CACNA2D2: variants seen among roughly 807,000 people sequenced by gnomAD.
CACNA2D2 encodes calcium voltage-gated channel auxiliary subunit alpha2delta 2, also known as voltage-dependent calcium channel subunit alpha-2/delta-2.
CACNA2D2 carries 48 observed loss-of-function variants against 166.4 expected under a neutral mutation model. The observed-to-expected ratio is 0.29, with a 90% CI of 0.23 to 0.37. The LOEUF (loss-of-function observed/expected upper bound fraction) is 0.37. Ranked by LOEUF, CACNA2D2 falls within the 10% of genes least tolerant of loss-of-function variation. CACNA2D2 has a pLI of 1.00. For missense variants in CACNA2D2, 1,122 were observed against 1,433.0 expected, an observed-to-expected ratio of 0.78 and a Z score of 3.50; for synonymous variants, 561 against 573.7, an observed-to-expected ratio of 0.98 and a Z score of 0.32.
chr3:50,496,623 G>A (rs889038080), intron 1 of CACNA2D2, among the ~76,000 whole-genome samples: 2 of 152,266 alleles, frequency 1.3e-5, no homozygotes, highest in Admixed American at 6.5e-5. Context: ...AGATCCAGTC[G>A]GGATCCACAT....
Position 50,379,323 on chromosome 3 carries a change from C to A in CACNA2D2, c.1152+109G>T. 6.8e-7 allele frequency: 1 copy of A among 1,477,652 alleles called. No individual in the cohort carries two copies. The highest frequency in any genetic ancestry group is 1.2e-5 in the South Asian group (1 of 84,442). The allele number at this position is 1,477,652 out of a possible 1,614,324, so 91.5% of individuals were successfully genotyped here. On this transcript the variant is annotated intron_variant, in intron 11 of 37. Coordinates refer to ENST00000424201, the MANE Select transcript of CACNA2D2 (RefSeq NM_006030.4). The surrounding 1 kb of genome is among the most constrained non-coding windows in gnomAD (Gnocchi z 6.5). Reference sequence around the variant, plus strand: ...CCCACAGCAGATGGAGCTATCTGTCCAAGCTGCCTGTTTGGTGCTAACGAG... The same window carrying A: ...CCCACAGCAGATGGAGCTATCTGTCAAAGCTGCCTGTTTGGTGCTAACGAG...
chr3:50,481,870 C>T (rs1698069574), intron 1 of CACNA2D2, among the ~76,000 whole-genome samples: 3 of 152,146 alleles, frequency 2.0e-5, no homozygotes, highest in African/African-American at 7.2e-5. Context: ...GTATCGTACA[C>T]CTGTAGTCCC....
At chr3:50,370,549 C>T (rs1013645445) in intron 22 of CACNA2D2, among the ~76,000 whole-genome samples, 169 bp from the exon 23 acceptor site, 1 of 151,660 alleles carries the variant, frequency 6.6e-6, no homozygotes, top group Admixed American at 6.6e-5. Flanking sequence ...AGAGAAGGGA[C>T]GGGCAGGGAG....
chr3:50,384,450 A>C, intron 5 of CACNA2D2, 113 bp from the exon 6 acceptor site: 104 of 1,191,120 alleles, frequency 8.7e-5, no homozygotes, highest in Non-Finnish European at 1.1e-4. Flanking sequence ...GGGGCATCTC[A>C]AAAAGAGAGA....
intron 1 of CACNA2D2, among the ~76,000 whole-genome samples, chr3:50,500,747 A>AC (rs1241541500): frequency 6.4e-5 from 4 of 62,778 alleles, no homozygotes; most frequent in Non-Finnish European, 1.2e-4. Context: ...AGACAGCCCA[A>AC]CCCCCCCACC....
In CACNA2D2 at chr3:50,398,620, TTTC is replaced by T. The variant is rs754114273; in HGVS notation, c.406-4455_406-4453del. On this transcript the variant is annotated intron_variant, in intron 3 of 37. Coordinates refer to ENST00000424201, the MANE Select transcript of CACNA2D2 (RefSeq NM_006030.4). The stretch of plus-strand genomic sequence containing the variant: ...TGTGGTTTAACCTCTCAGAGTCTAT[TTTC>T]TTCAGCACATCCTGGGGGGTAAGGG... Among the ~76,000 whole-genome samples, 4 of 152,158 alleles carry T rather than the reference TTTC, an allele frequency of 2.6e-5. No individual in the cohort carries two copies. The East Asian group carries it at 5.8e-4, about 22-fold the overall frequency.
In CACNA2D2 at chr3:50,376,032, G is replaced by A. The variant is rs776699305; in HGVS notation, c.1704C>T (p.Thr568=). 15 of 1,613,358 alleles carry A rather than the reference G, an allele frequency of 9.3e-6. No homozygotes were observed. Among genetic ancestry groups the A allele is most frequent in the Non-Finnish European group, 1.3e-5 (15 of 1,179,982 alleles). The change falls in exon 19 of 38, where the codon ACC becomes ACT. Residue 568 remains threonine (T), a splice_region_variant and synonymous_variant. Transcript: ENST00000424201. The surrounding 1 kb of genome is among the most constrained non-coding windows in gnomAD (Gnocchi z 4.3). ...GAGTCACAGGCTCCCGGAAGTTGGTGGTCTGTTGGAGGCAGGGTGGGAAGT... is the reference window on the plus strand; with the variant it reads ...GAGTCACAGGCTCCCGGAAGTTGGTAGTCTGTTGGAGGCAGGGTGGGAAGT... ...VLLHPNLKPQ[T]TNFREPVTLD... is the part of the protein sequence containing the mutation.
intron 23 of CACNA2D2, among the ~76,000 whole-genome samples, chr3:50,368,659 C>T (rs72934814): frequency 0.031 from 4,744 of 152,294 alleles, 250 homozygotes; most frequent in African/African-American, 0.11. Flanking sequence ...CCTCACCCTG[C>T]CTCTTCCTGG....
At chr3:50,452,192 C>T (rs1447503142) in intron 2 of CACNA2D2, among the ~76,000 whole-genome samples, 1 of 152,202 alleles carries the variant, frequency 6.6e-6, no homozygotes, top group Non-Finnish European at 1.5e-5. Flanking sequence ...CTCTGATGGG[C>T]CAGCCCACCT....
At chr3:50,497,205 A>AC (rs1373571250) in intron 1 of CACNA2D2, among the ~76,000 whole-genome samples, 1 of 152,014 alleles carries the variant, frequency 6.6e-6, no homozygotes, top group Non-Finnish European at 1.5e-5. Flanking sequence ...GAGCAGGAAG[A>AC]CCCCAGATCT....
rs1553724510 is a variant in CACNA2D2, at chr3:50,363,466, C to CTGTGTGTGTGCACAGAG, written c.*1199_*1200insCTCTGTGCACACACACA. On this transcript the variant is annotated 3_prime_UTR_variant, in exon 38 of 38. Coordinates refer to ENST00000424201, the MANE Select transcript of CACNA2D2 (RefSeq NM_006030.4). Reference sequence around the variant, plus strand: ...GTGAAGAGCTGTGCCCAGTCCCCACCTGTGTGTGTGTGTGTGTGTGTGTGT... The same window carrying CTGTGTGTGTGCACAGAG: ...GTGAAGAGCTGTGCCCAGTCCCCACCTGTGTGTGTGCACAGAGTGTGTGTGTGTGTGTGTGTGTGTGT... 6.5e-6 allele frequency: 2 copies of CTGTGTGTGTGCACAGAG among 310,026 alleles called. No homozygotes were observed. The highest frequency in any genetic ancestry group is 1.3e-4 in the Admixed American group (2 of 14,846). 19.2% of individuals were successfully genotyped at this position (310,026 alleles called of 1,614,324 possible). A position where few individuals can be genotyped will look rare whatever the true frequency, so the allele number is the denominator to read the frequency against.
rs369364593 is a variant in CACNA2D2 at position 50,366,300 on chromosome 3, C to T, written c.2676G>A (p.Leu892=). 28 of 1,613,984 alleles carry T rather than the reference C, an allele frequency of 1.7e-5. No individual in the cohort carries two copies. The highest frequency in any genetic ancestry group is 2.2e-5 in the Non-Finnish European group (26 of 1,180,042). The change falls in exon 31 of 38, where the codon CTG becomes CTA. Residue 892 remains leucine, a synonymous_variant. Coordinates refer to ENST00000424201, the MANE Select transcript of CACNA2D2 (RefSeq NM_006030.4). This position sits in a 1 kb window ranked among gnomAD's most constrained non-coding sequence, Gnocchi z 5.9. ...LCVLIDDGGF[L]VLSNQNHQWD... is the part of the protein sequence containing the mutation. Reference sequence around the variant, plus strand: ...ACTGATGGTTCTGGTTTGACAGCACCAGGAATCCTCCATCATCAATGAGGA... The same window carrying T: ...ACTGATGGTTCTGGTTTGACAGCACTAGGAATCCTCCATCATCAATGAGGA...
intron 1 of CACNA2D2, among the ~76,000 whole-genome samples, chr3:50,491,906 G>C (rs916572070): frequency 6.6e-6 from 1 of 152,202 alleles, no homozygotes; most frequent in Non-Finnish European, 1.5e-5. Context: ...ACTGGCTCCT[G>C]GACACTGTCC....
chr3:50,402,139 T>C (rs1706480399), intron 3 of CACNA2D2, among the ~76,000 whole-genome samples: 1 of 152,228 alleles, frequency 6.6e-6, no homozygotes, highest in Non-Finnish European at 1.5e-5. Flanking sequence ...CTTTTTTGCT[T>C]TAAACTGGAA....
At chr3:50,413,868 C>T (rs987974399) in intron 3 of CACNA2D2, among the ~76,000 whole-genome samples, 3 of 106,648 alleles carry the variant, frequency 2.8e-5, no homozygotes, top group African/African-American at 1.1e-4. Flanking sequence ...AAATAAAAGG[C>T]TCCTCAGCTG....
At chr3:50,456,333 G>C (rs1403847266) in intron 2 of CACNA2D2, among the ~76,000 whole-genome samples, 1 of 152,182 alleles carries the variant, frequency 6.6e-6, no homozygotes, top group Non-Finnish European at 1.5e-5. Flanking sequence ...AGTGGGGGAG[G>C]GGAGAGGCTC....
At chr3:50,445,862 G>A (rs1307940530) in intron 2 of CACNA2D2, among the ~76,000 whole-genome samples, 1 of 152,118 alleles carries the variant, frequency 6.6e-6, no homozygotes, top group African/African-American at 2.4e-5. Flanking sequence ...AGTCCATAGA[G>A]GTGCTCCTGA....
chr3:50,374,644 G>A lies in CACNA2D2; in HGVS notation c.1984+93C>T, dbSNP rs893246680. ...CAGACTGGGCAGGAGGGACTGCCTC[G>A]CCGGCAAGCGGCGCTGGCTATGCTG... On this transcript the variant is annotated intron_variant, in intron 22 of 37. Transcript: ENST00000424201. 7.0e-6 allele frequency: 10 copies of A among 1,426,982 alleles called. No homozygotes were observed. The East Asian group carries it at 1.0e-4, about 14-fold the overall frequency. The allele number at this position is 1,426,982 out of a possible 1,614,324, so 88.4% of individuals were successfully genotyped here.
intron 6 of CACNA2D2, among the ~76,000 whole-genome samples, chr3:50,381,825 C>T (rs947217374): frequency 3.3e-5 from 5 of 152,086 alleles, no homozygotes; most frequent in African/African-American, 9.7e-5. Context: ...CCACCATGGG[C>T]ACAAGGGCAC....
Sources: gnomAD v4.1 joint callset for allele counts (sites outside exome capture counted in the v4.1 genomes callset) on GRCh38, gnomAD v4.1.1 for gene constraint, Gnocchi (gnomAD v3.1) non-coding constraint, MANE v1.5 for transcripts, NCBI Gene and HGNC (gene_info 2026-07-23, HGNC 2026-07-21) for gene names.